Variants in RPS6KC1 observed in about 807,000 individuals in gnomAD.
RPS6KC1 encodes inactive ribosomal protein S6 kinase delta-1.
A neutral mutation model predicts 103.8 loss-of-function variants in RPS6KC1; 54 were observed. The observed-to-expected ratio is 0.52, with a 90% CI of 0.42 to 0.65. The LOEUF (loss-of-function observed/expected upper bound fraction) is 0.65. Among genes scored for constraint, RPS6KC1 ranks in the 30% least tolerant of loss-of-function variants. RPS6KC1 has a pLI of 0.00. For synonymous variants in RPS6KC1, 439 were observed against 438.7 expected (o/e 1.00, Z -0.01); for missense variants, 1,151 against 1,253.8 (o/e 0.92, Z 1.24).
At chr1:213,608,274 C>G in the RPS6KC1 span, among the ~76,000 whole-genome samples, 1 of 152,144 alleles carries the variant, frequency 6.6e-6, no homozygotes, top group Non-Finnish European at 1.5e-5. Context: ...ATATTTGCAC[C>G]TGATGTGCCC....
At chr1:213,390,382 C>A in the RPS6KC1 span, among the ~76,000 whole-genome samples, 15 of 152,306 alleles carry the variant, frequency 9.8e-5, no homozygotes, top group Non-Finnish European at 1.8e-4. Context: ...TGTAATACAA[C>A]CTGCTGCAGA....
the RPS6KC1 span, among the ~76,000 whole-genome samples, chr1:213,775,436 C>G: frequency 6.6e-6 from 1 of 152,004 alleles, no homozygotes; most frequent in Non-Finnish European, 1.5e-5. Context: ...CACAATAAAG[C>G]CAATATTGCA....
the RPS6KC1 span, among the ~76,000 whole-genome samples, chr1:213,442,042 A>G: frequency 1.3e-5 from 2 of 152,230 alleles, no homozygotes; most frequent in Admixed American, 6.5e-5. Flanking sequence ...AGACTTTGCC[A>G]TGAGTAACAG....
chr1:213,792,035 T>A, the RPS6KC1 span, among the ~76,000 whole-genome samples: 1 of 152,176 alleles, frequency 6.6e-6, no homozygotes, highest in Non-Finnish European at 1.5e-5. Flanking sequence ...AGTTGAGAGA[T>A]CACAGGCAAG....
chr1:213,371,441 C>T, the RPS6KC1 span, among the ~76,000 whole-genome samples: 1 of 152,064 alleles, frequency 6.6e-6, no homozygotes, highest in Non-Finnish European at 1.5e-5. Flanking sequence ...GTTTTTAATT[C>T]TTTTGGGTGT....
chr1:213,542,442 G>A, the RPS6KC1 span, among the ~76,000 whole-genome samples: 2 of 152,210 alleles, frequency 1.3e-5, no homozygotes, highest in Admixed American at 1.3e-4. Context: ...ATTGCAGTGA[G>A]TGGTACAACA....
chr1:213,714,644 A>C, the RPS6KC1 span, among the ~76,000 whole-genome samples: 138 of 152,364 alleles, frequency 9.1e-4, 1 homozygote, highest in African/African-American at 3.2e-3. Context: ...AATTTCTCTC[A>C]GAAATTTGAA....
At position 213,176,380 on chromosome 1, in the gene RPS6KC1, T is replaced by A. The variant is rs376109705; in HGVS notation, c.952-20T>A. 27 of 1,553,022 alleles carry A rather than the reference T, an allele frequency of 1.7e-5. No individual in the cohort carries two copies. In the African/African-American group the frequency reaches 3.1e-4, roughly 18 times the overall value. ...AAGTACCTCCCTGATTGATGTATAA[T>A]CTTTGATATCTTCCATTAGCCTCCA... On this transcript the variant is annotated intron_variant, in intron 7 of 14. Coordinates refer to ENST00000366960, the MANE Select transcript of RPS6KC1 (RefSeq NM_012424.6).
At chr1:213,561,577 G>A in the RPS6KC1 span, among the ~76,000 whole-genome samples, 6 of 152,146 alleles carry the variant, frequency 3.9e-5, no homozygotes, top group Non-Finnish European at 5.9e-5. Flanking sequence ...ACAGACAGCT[G>A]GGCTCCCTTA....
At chr1:213,788,695 C>T in the RPS6KC1 span, among the ~76,000 whole-genome samples, 1 of 152,070 alleles carries the variant, frequency 6.6e-6, no homozygotes, top group Non-Finnish European at 1.5e-5. Flanking sequence ...TGCGGATGGC[C>T]CAAGCTACAA....
chr1:213,184,593 T>G (rs1027658921), intron 8 of RPS6KC1, among the ~76,000 whole-genome samples: 3 of 152,134 alleles, frequency 2.0e-5, no homozygotes, highest in Admixed American at 6.5e-5. Flanking sequence ...ATTAAATTAT[T>G]TGAAATTTTT....
chr1:213,785,946 T>C, the RPS6KC1 span, among the ~76,000 whole-genome samples: 1 of 152,174 alleles, frequency 6.6e-6, no homozygotes, highest in South Asian at 2.1e-4. Context: ...TATTTCCCTT[T>C]AGTTAAGACT....
At chr1:213,641,805 C>A in the RPS6KC1 span, among the ~76,000 whole-genome samples, 13 of 137,504 alleles carry the variant, frequency 9.5e-5, no homozygotes, top group Non-Finnish European at 1.1e-4. Flanking sequence ...ATCACCACTG[C>A]CCCACCCACC....
the RPS6KC1 span, among the ~76,000 whole-genome samples, chr1:213,427,366 C>T: frequency 1.3e-4 from 20 of 152,166 alleles, no homozygotes; most frequent in African/African-American, 2.4e-4. Context: ...GGAAAGGTTC[C>T]GCTTCCCTTG....
the RPS6KC1 span, among the ~76,000 whole-genome samples, chr1:213,800,276 G>A: frequency 6.6e-6 from 1 of 152,184 alleles, no homozygotes; most frequent in East Asian, 1.9e-4. Context: ...GAAGAGGCAG[G>A]AAGACCACAG....
chr1:213,632,108 A>G, the RPS6KC1 span, among the ~76,000 whole-genome samples: 24 of 152,334 alleles, frequency 1.6e-4, no homozygotes, highest in South Asian at 1.5e-3. Context: ...TTAATTGCCT[A>G]GTAATATTCC....
the RPS6KC1 span, among the ~76,000 whole-genome samples, chr1:213,326,690 TAG>T: frequency 3.3e-5 from 5 of 152,212 alleles, no homozygotes; most frequent in African/African-American, 1.2e-4. Context: ...TCGGATTCAT[TAG>T]AATCAGGAGG....
At chr1:213,335,272 T>C in the RPS6KC1 span, among the ~76,000 whole-genome samples, 1 of 152,212 alleles carries the variant, frequency 6.6e-6, no homozygotes, top group Non-Finnish European at 1.5e-5. Context: ...GTTAAGTACA[T>C]AATGATAGGT....
chr1:213,739,541 A>G, the RPS6KC1 span, among the ~76,000 whole-genome samples: 2 of 152,178 alleles, frequency 1.3e-5, no homozygotes, highest in South Asian at 4.1e-4. Context: ...CAAATGGAAA[A>G]AGACACCATG....
Sources: allele counts gnomAD v4.1 joint callset (sites outside exome capture counted in the v4.1 genomes callset), GRCh38; gene constraint gnomAD v4.1.1; transcripts MANE v1.5; gene names NCBI Gene and HGNC (gene_info 2026-07-23, HGNC 2026-07-21).